Variants in ABCA13 observed in about 807,000 individuals in gnomAD.
ABCA13 encodes the protein ATP-binding cassette sub-family A member 13.
ABCA13 carries 476 observed loss-of-function variants against 478.7 expected under a neutral mutation model. The observed-to-expected ratio is 0.99, with a 90% CI of 0.92 to 1.07. The LOEUF (loss-of-function observed/expected upper bound fraction) is 1.07. Among genes scored for constraint, ABCA13 ranks in the 50% least tolerant of loss-of-function variants. The probability of loss-of-function intolerance (pLI) is 0.00; values close to 1 mark genes in which losing one functional copy is unlikely to be tolerated. For missense variants in ABCA13, 6,060 were observed against 5,910.6 expected, an observed-to-expected ratio of 1.03 and a Z score of -0.83; for synonymous variants, 2,252 against 2,158.9, an observed-to-expected ratio of 1.04 and a Z score of -1.20.
intron 16 of ABCA13, 121 bp downstream of exon 16, chr7:48,269,215 T>C: frequency 1.7e-6 from 1 of 602,012 alleles, no homozygotes; most frequent in South Asian, 2.2e-5. Context: ...ATTGACACAA[T>C]CTTTCATATG....
chr7:48,384,448 C>T (rs1009667242), intron 35 of ABCA13, among the ~76,000 whole-genome samples: 4 of 152,322 alleles, frequency 2.6e-5, no homozygotes, highest in South Asian at 4.1e-4. Context: ...CCATCAGCTG[C>T]GCGTCACTGG....
rs184116157 is a variant in ABCA13 at position 48,272,679 on chromosome 7, C to T, written c.3013C>T (p.Gln1005Ter). Residue 1005 changes from glutamine to a stop codon, truncating the protein, a stop_gained, in exon 17 of 62, where the codon CAA becomes TAA. Coordinates refer to ENST00000435803, the MANE Select transcript of ABCA13 (RefSeq NM_152701.5). LOFTEE classifies it high-confidence loss of function. The part of the protein sequence containing the change: ...ILDIIKQFNF[Q>*]NISKAFAFLF... ...GGATATCATAAAACAATTTAATTTC[C>T]AAAACATCAGTAAAGCATTTGCATT... 55 of 1,612,498 alleles carry T rather than the reference C, an allele frequency of 3.4e-5. 1 individual carries two copies. The East Asian group carries it at 1.2e-3, about 35-fold the overall frequency.
intron 35 of ABCA13, among the ~76,000 whole-genome samples, chr7:48,385,948 G>A (rs1250692832): frequency 6.6e-6 from 1 of 152,148 alleles, no homozygotes; most frequent in African/African-American, 2.4e-5. Flanking sequence ...TCAGCCCCAT[G>A]TATGTCTTCT....
At chr7:48,439,700 G>A (rs1364285427) in intron 42 of ABCA13, among the ~76,000 whole-genome samples, 1 of 151,978 alleles carries the variant, frequency 6.6e-6, no homozygotes, top group East Asian at 1.9e-4. Flanking sequence ...ATTACCCTTT[G>A]GCATAAAAAA....
chr7:48,221,659 C>T (rs547919783), intron 5 of ABCA13, among the ~76,000 whole-genome samples: 6 of 152,158 alleles, frequency 3.9e-5, no homozygotes, highest in Non-Finnish European at 5.9e-5. Context: ...CCTCGAGGCA[C>T]GAAGCCCTCA....
At chr7:48,407,611 C>T (rs1026627199) in intron 39 of ABCA13, among the ~76,000 whole-genome samples, 1 of 151,828 alleles carries the variant, frequency 6.6e-6, no homozygotes, top group Non-Finnish European at 1.5e-5. Flanking sequence ...GGCTGGAGCC[C>T]AATGGTGCAA....
intron 40 of ABCA13, among the ~76,000 whole-genome samples, chr7:48,411,033 TTC>T (rs750470968): frequency 1.7e-4 from 21 of 120,542 alleles, no homozygotes; most frequent in African/African-American, 5.5e-4. Context: ...CTTTCTTTCT[TTC>T]TTTCTTTCTT....
At chr7:48,342,733 A>G (rs932956779) in intron 29 of ABCA13, among the ~76,000 whole-genome samples, 16 of 152,134 alleles carry the variant, frequency 1.1e-4, no homozygotes, top group Admixed American at 2.6e-4. Flanking sequence ...ACAGTGTTCA[A>G]TGCTTCTTAT....
Position 48,455,115 on chromosome 7 carries a change from G to A in ABCA13, c.12644G>A (p.Arg4215Lys). Residue 4215 changes from arginine to lysine, a missense_variant, in exon 43 of 62, where the codon AGG becomes AAG. Arg to Lys is a conservative substitution (Grantham distance 26). This residue lies in a region of ABCA13 where 1,627 missense variants were observed against 1,571.0 expected (regional missense o/e 1.04). Coordinates refer to ENST00000435803, the MANE Select transcript of ABCA13 (RefSeq NM_152701.5). Reference protein sequence around the residue: ...RAQVAAILARRLRRTLRAGKS... With the variant: ...RAQVAAILARKLRRTLRAGKS... ...CAAGTGGCCGCGATCCTGGCCCGGA[G>A]GCTCCGCCGCACGCTGCGCGCCGGG... 6.4e-6 allele frequency: 10 copies of A among 1,559,804 alleles called. No individual in the cohort carries two copies. The highest frequency in any genetic ancestry group is 8.7e-6 in the Non-Finnish European group (10 of 1,152,656).
Position 48,388,071 on chromosome 7 carries a change from G to A in ABCA13, c.11473+112G>A, listed in dbSNP as rs541756120. Reference sequence around the variant, plus strand: ...TTTCAAGTGTGTGCTGATTCCTAGAGAGACTTACATTTAGGCTGTCTTGGG... The same window carrying A: ...TTTCAAGTGTGTGCTGATTCCTAGAAAGACTTACATTTAGGCTGTCTTGGG... On this transcript the variant is annotated intron_variant, in intron 36 of 61. Transcript: ENST00000435803. 8 of 1,164,632 alleles carry A rather than the reference G, an allele frequency of 6.9e-6. No homozygotes were observed. In the Admixed American group the frequency reaches 1.6e-4, roughly 23 times the overall value. 72.1% of individuals were successfully genotyped at this position (1,164,632 alleles called of 1,614,324 possible).
rs138194526 is a variant in ABCA13, at chr7:48,507,016, A to C, written c.13346+626A>C. On this transcript the variant is annotated intron_variant, in intron 49 of 61. Coordinates refer to ENST00000435803, the MANE Select transcript of ABCA13 (RefSeq NM_152701.5). ...CCTACCAAATTAAGTCGCAGAATGC[A>C]AATCTGCTTAATGGGCATTCTCTGC... is the stretch of plus-strand genomic sequence containing the variant. Among the ~76,000 whole-genome samples the C allele has an allele frequency of 2.1e-3, 326 of 152,340 alleles. 2 individuals carry two copies. The highest frequency in any genetic ancestry group is 7.4e-3 in the African/African-American group (309 of 41,574).
In ABCA13 at chr7:48,271,810, T is replaced by G; in HGVS notation, c.2144T>G (p.Leu715Arg). ...ISRALNFTKH[L>R]LMMEKKLHTL... ...AGGGCTTTAAATTTCACAAAGCACC[T>G]TCTAATGATGGAAAAGAAGTTGCAC... Residue 715 changes from leucine to arginine, a missense_variant, in exon 17 of 62, where the codon CTT becomes CGT. Physicochemically the swap from Leu to Arg is moderately radical, Grantham distance 102 (BLOSUM62 -2). Coordinates refer to ENST00000435803, the MANE Select transcript of ABCA13 (RefSeq NM_152701.5). The G allele has an allele frequency of 2.0e-6, 3 of 1,535,108 alleles. No individual in the cohort carries two copies. The highest frequency in any genetic ancestry group is 2.6e-6 in the Non-Finnish European group (3 of 1,139,776).
intron 41 of ABCA13, among the ~76,000 whole-genome samples, chr7:48,416,218 A>C (rs1819960660): frequency 1.3e-5 from 2 of 152,228 alleles, no homozygotes; most frequent in Non-Finnish European, 2.9e-5. Flanking sequence ...ACAGGCCTCT[A>C]CAAAGCTGCA....
intron 46 of ABCA13, among the ~76,000 whole-genome samples, chr7:48,482,725 G>A (rs1442139803): frequency 6.6e-6 from 1 of 152,074 alleles, no homozygotes; most frequent in Non-Finnish European, 1.5e-5. Flanking sequence ...TTTGTAGAGG[G>A]AATGACCATT....
chr7:48,547,678 A>G (rs1244859651), intron 55 of ABCA13, among the ~76,000 whole-genome samples: 2 of 151,918 alleles, frequency 1.3e-5, no homozygotes, highest in Non-Finnish European at 2.9e-5. Flanking sequence ...TTCAGTGAGT[A>G]CCATACTTTG....
rs985661307 is a variant in ABCA13, at chr7:48,352,170, T to C, written c.10382-11T>C. ...TGTGGTAATGCTTCGTTTTTCCTTT[T>C]CTGCCACTAGGTATCATTTTCAGCA... On this transcript the variant is annotated splice_polypyrimidine_tract_variant and intron_variant, in intron 30 of 61. Coordinates refer to ENST00000435803, the MANE Select transcript of ABCA13 (RefSeq NM_152701.5). 11 of 1,596,352 alleles carry C rather than the reference T, an allele frequency of 6.9e-6. No individual in the cohort carries two copies. Among genetic ancestry groups the C allele is most frequent in the Middle Eastern group, 1.7e-4 (1 of 5,994 alleles).
chr7:48,182,152 C>T (rs926280867), intron 1 of ABCA13, among the ~76,000 whole-genome samples: 12 of 152,110 alleles, frequency 7.9e-5, no homozygotes, highest in African/African-American at 1.9e-4. Flanking sequence ...CATCCTAACT[C>T]GACCATAATA....
chr7:48,320,059 GA>G (rs897528666), intron 27 of ABCA13, among the ~76,000 whole-genome samples: 1 of 151,784 alleles, frequency 6.6e-6, no homozygotes, highest in Non-Finnish European at 1.5e-5. Flanking sequence ...TCATGAACTG[GA>G]AAAAAAATGA....
intron 45 of ABCA13, among the ~76,000 whole-genome samples, chr7:48,473,842 C>CT (rs1827788618): frequency 6.6e-6 from 1 of 152,124 alleles, no homozygotes; most frequent in Non-Finnish European, 1.5e-5. Context: ...AGAAGCCTTG[C>CT]TTTTGGAGGA....
Sources: allele counts gnomAD v4.1 joint callset (sites outside exome capture counted in the v4.1 genomes callset), GRCh38; gene constraint gnomAD v4.1.1; regional missense constraint gnomAD v4.1.1; transcripts MANE v1.5; gene names NCBI Gene and HGNC (gene_info 2026-07-23, HGNC 2026-07-21).